Variants in CHN1 observed in about 807,000 individuals in gnomAD.
The protein encoded by CHN1 is N-chimaerin.
A neutral mutation model predicts 59.5 loss-of-function variants in CHN1; 37 were observed. The observed-to-expected ratio is 0.62, with a 90% confidence interval of 0.48 to 0.82. The LOEUF (loss-of-function observed/expected upper bound fraction) is 0.82, where lower values mean the gene tolerates loss of function less well. Among genes scored for constraint, CHN1 ranks in the 40% least tolerant of loss-of-function variants. The pLI, the probability that CHN1 is intolerant of heterozygous loss-of-function variation, is 0.00. For synonymous variants in CHN1, 206 were observed against 200.4 expected (o/e 1.03, Z -0.24); for missense variants, 469 against 571.0 (o/e 0.82, Z 1.82).
At chr2:174,808,796 G>T in intron 11 of CHN1, 109 bp downstream of exon 11, 2 of 1,185,952 alleles carry the variant, frequency 1.7e-6, no homozygotes, top group Non-Finnish European at 2.5e-6. Context: ...ATAGAGAGAG[G>T]CAAAGGGGAA....
chr2:174,876,590 A>G (rs1017735538), intron 6 of CHN1, among the ~76,000 whole-genome samples: 22 of 152,188 alleles, frequency 1.4e-4, no homozygotes, highest in African/African-American at 4.8e-4. Context: ...ATTTTTATAC[A>G]TTTTCTACAG....
At chr2:174,959,095 A>C (rs1366118745) in intron 1 of CHN1, among the ~76,000 whole-genome samples, 1 of 152,212 alleles carries the variant, frequency 6.6e-6, no homozygotes, top group African/African-American at 2.4e-5. Context: ...CTAATTAATG[A>C]CATTTAAGAG....
chr2:174,991,193 TA>T (rs1275696216), intron 1 of CHN1, among the ~76,000 whole-genome samples: 1 of 152,220 alleles, frequency 6.6e-6, no homozygotes, highest in African/African-American at 2.4e-5. Flanking sequence ...TGAACTTGGC[TA>T]ACCCACCAGG....
intron 1 of CHN1, among the ~76,000 whole-genome samples, chr2:174,963,431 T>C (rs1022650503): frequency 2.0e-5 from 3 of 152,066 alleles, no homozygotes; most frequent in Admixed American, 6.5e-5. Context: ...TCTTAAAGGA[T>C]AGATGGTTTT....
intron 7 of CHN1, among the ~76,000 whole-genome samples, chr2:174,845,444 T>C (rs2105433592): frequency 6.6e-6 from 1 of 152,192 alleles, no homozygotes; most frequent in East Asian, 1.9e-4. Flanking sequence ...AAAAAGAAAC[T>C]GAGGCCTAGA....
At chr2:174,945,929 G>GTA (rs1260404826) in intron 2 of CHN1, among the ~76,000 whole-genome samples, 163 of 149,484 alleles carry the variant, frequency 1.1e-3, no homozygotes, top group Middle Eastern at 3.5e-3. Context: ...GTGTGTGTGT[G>GTA]TGTATATATA....
At chr2:174,928,789 A>G (rs545132550) in intron 3 of CHN1, among the ~76,000 whole-genome samples, 9 of 152,374 alleles carry the variant, frequency 5.9e-5, no homozygotes, top group South Asian at 2.1e-4. Context: ...ATTGAAACAC[A>G]TATTTTCACT....
At chr2:174,806,807 C>T (rs140928540) in intron 11 of CHN1, among the ~76,000 whole-genome samples, 3 of 152,292 alleles carry the variant, frequency 2.0e-5, no homozygotes, top group Admixed American at 1.3e-4. Flanking sequence ...ATCTGCACAT[C>T]TAAAGAATGA....
At chr2:174,922,723 T>TA (rs528387031) in intron 3 of CHN1, among the ~76,000 whole-genome samples, 17 of 146,092 alleles carry the variant, frequency 1.2e-4, no homozygotes, top group East Asian at 3.9e-4. Context: ...CATACATACA[T>TA]AAAAAAAAAG....
At chr2:174,952,083 A>G in intron 2 of CHN1, 81 bp downstream of exon 2, 2 of 843,140 alleles carry the variant, frequency 2.4e-6, no homozygotes, top group Non-Finnish European at 3.4e-6. Context: ...ACAAAATGGA[A>G]TGAGTATTTC....
chr2:174,946,362 G>C (rs1476886445), intron 2 of CHN1, among the ~76,000 whole-genome samples: 3 of 151,978 alleles, frequency 2.0e-5, no homozygotes, highest in African/African-American at 7.2e-5. Flanking sequence ...CATAGTATCA[G>C]GGCAATGCTA....
At chr2:174,883,615 T>C (rs752323529) in intron 5 of CHN1, among the ~76,000 whole-genome samples, 1 of 152,082 alleles carries the variant, frequency 6.6e-6, no homozygotes, top group Non-Finnish European at 1.5e-5. Flanking sequence ...AAGGGCCACC[T>C]GACATCTGAG....
Position 175,005,237 on chromosome 2 carries a change from T to TGGCTGGCGGAGAGGCGGCGCCGC in CHN1, c.-348_-326dup. On this transcript the variant is annotated 5_prime_UTR_variant, in exon 1 of 13. An upstream open reading frame in the 5' UTR loses its in-frame stop. Coordinates refer to ENST00000409900, the MANE Select transcript of CHN1 (RefSeq NM_001822.7). ...GGCAGGAGGCTTGGCCGCGGCGCAG[T>TGGCTGGCGGAGAGGCGGCGCCGC]GGCTGGCGGAGAGGCGGCGCCGCAC... is the stretch of plus-strand genomic sequence containing the variant. 8.5e-7 allele frequency: 1 copy of TGGCTGGCGGAGAGGCGGCGCCGC among 1,177,914 alleles called. No homozygotes were observed. Among genetic ancestry groups the TGGCTGGCGGAGAGGCGGCGCCGC allele is most frequent in the Non-Finnish European group, 1.1e-6 (1 of 951,458 alleles). The allele number at this position is 1,177,914 out of a possible 1,614,324, so 73.0% of individuals were successfully genotyped here.
chr2:174,993,717 T>G (rs923526816), intron 1 of CHN1, among the ~76,000 whole-genome samples: 1 of 152,068 alleles, frequency 6.6e-6, no homozygotes, highest in Admixed American at 6.5e-5. Context: ...AAGAACCTAA[T>G]GACACAAGAC....
At chr2:174,980,860 G>A (rs1691125440) in intron 1 of CHN1, among the ~76,000 whole-genome samples, 1 of 151,994 alleles carries the variant, frequency 6.6e-6, no homozygotes, top group South Asian at 2.1e-4. Context: ...TAATTTTGAA[G>A]GAAAAACTCC....
chr2:174,888,755 T>TGGGGAACATGCAGTGG (rs2105344677), intron 5 of CHN1, among the ~76,000 whole-genome samples: 1 of 152,106 alleles, frequency 6.6e-6, no homozygotes, highest in South Asian at 2.1e-4. Flanking sequence ...GGGAGAAGAG[T>TGGGGAACATGCAGTGG]GGAACATGCA....
intron 6 of CHN1, among the ~76,000 whole-genome samples, chr2:174,851,760 A>G (rs1686736594): frequency 6.6e-6 from 1 of 152,234 alleles, no homozygotes; most frequent in Non-Finnish European, 1.5e-5. Flanking sequence ...CAGAACAATC[A>G]GACAAGAGAA....
intron 2 of CHN1, among the ~76,000 whole-genome samples, chr2:174,946,330 C>T (rs1301525614): frequency 6.6e-6 from 1 of 152,042 alleles, no homozygotes; most frequent in Non-Finnish European, 1.5e-5. Flanking sequence ...TACTAGGATG[C>T]ATCTTGAGTT....
At chr2:174,847,539 G>A (rs1179445903) in intron 6 of CHN1, 1 of 1,243,744 alleles carries the variant, frequency 8.0e-7, no homozygotes, top group Non-Finnish European at 1.0e-6. Flanking sequence ...AATGAAAGAT[G>A]CCTACATACT....
Sources: gnomAD v4.1 joint callset for allele counts (sites outside exome capture counted in the v4.1 genomes callset) on GRCh38, gnomAD v4.1.1 for gene constraint, MANE v1.5 for transcripts, NCBI Gene and HGNC (gene_info 2026-07-23, HGNC 2026-07-21) for gene names.